Variants in TANC1 observed in about 807,000 individuals in gnomAD.
TANC1 encodes protein TANC1.
A neutral mutation model predicts 149.7 loss-of-function variants in TANC1; 77 were observed. The observed-to-expected ratio is 0.51, with a 90% confidence interval of 0.43 to 0.62. The LOEUF (loss-of-function observed/expected upper bound fraction) is 0.62, where lower values mean the gene tolerates loss of function less well. Among genes scored for constraint, TANC1 ranks in the 20% least tolerant of loss-of-function variants. TANC1 has a pLI of 0.00. For missense variants in TANC1, 1,985 were observed against 2,321.8 expected (o/e 0.85, Z 2.98); for synonymous variants, 854 against 925.0 (o/e 0.92, Z 1.39).
At chr2:159,132,801 A>G (rs1241206057) in intron 4 of TANC1, among the ~76,000 whole-genome samples, 2 of 151,794 alleles carry the variant, frequency 1.3e-5, no homozygotes, top group East Asian at 3.9e-4. Context: ...GCCTGGGTAC[A>G]GTATTTGAAC....
chr2:159,132,575 A>C (rs764428677), intron 4 of TANC1, among the ~76,000 whole-genome samples: 7 of 151,540 alleles, frequency 4.6e-5, no homozygotes, highest in African/African-American at 9.7e-5. Flanking sequence ...TGCACCCTCC[A>C]TCTCCTGGGT....
At chr2:159,196,994 G>A (rs911318087) in intron 18 of TANC1, among the ~76,000 whole-genome samples, 9 of 152,216 alleles carry the variant, frequency 5.9e-5, no homozygotes, top group African/African-American at 2.2e-4. Context: ...GATGGGGACA[G>A]GCAGGCTTAT....
chr2:159,224,858 C>A (rs1200417684), intron 23 of TANC1: 1 of 160,146 alleles, frequency 6.2e-6, no homozygotes, highest in African/African-American at 2.4e-5. Context: ...AGGGAAAGCC[C>A]TTTCCACGTG....
intron 1 of TANC1, among the ~76,000 whole-genome samples, chr2:158,972,681 T>G (rs760044700): frequency 1.3e-5 from 2 of 152,230 alleles, no homozygotes; most frequent in Non-Finnish European, 1.5e-5. Flanking sequence ...GAATGTCTTT[T>G]CAAAATATTA....
intron 1 of TANC1, among the ~76,000 whole-genome samples, chr2:158,999,327 A>G (rs2036424586): frequency 6.6e-6 from 1 of 152,250 alleles, no homozygotes; most frequent in African/African-American, 2.4e-5. Context: ...GCCATATACC[A>G]GAAGCAAAAC....
At chr2:158,990,942 G>A (rs935720032) in intron 1 of TANC1, among the ~76,000 whole-genome samples, 2 of 151,662 alleles carry the variant, frequency 1.3e-5, no homozygotes, top group Non-Finnish European at 2.9e-5. Context: ...GCATGGTGGC[G>A]GGCGGCTCCA....
At chr2:159,227,586 G>A in intron 24 of TANC1, 3 of 517,690 alleles carry the variant, frequency 5.8e-6, no homozygotes, top group Non-Finnish European at 1.0e-5. Context: ...TGTAAAACCA[G>A]CTTCTTTCTC....
chr2:159,026,093 G>A (rs907984499), intron 2 of TANC1, among the ~76,000 whole-genome samples: 15 of 152,074 alleles, frequency 9.9e-5, no homozygotes, highest in Non-Finnish European at 1.5e-4. Context: ...CACAATTCCT[G>A]GCTAATTTTT....
intron 19 of TANC1, among the ~76,000 whole-genome samples, chr2:159,207,349 T>G (rs1220913425): frequency 6.6e-6 from 1 of 152,224 alleles, no homozygotes; most frequent in Non-Finnish European, 1.5e-5. Flanking sequence ...CATAGAAGGC[T>G]GTTGGATGCT....
chr2:159,180,352 T>C, intron 14 of TANC1, among the ~76,000 whole-genome samples: 1 of 152,226 alleles, frequency 6.6e-6, no homozygotes, highest in East Asian at 1.9e-4. Context: ...AGATTGACTA[T>C]AGCTGAGTTT....
In TANC1 at chr2:159,188,450, T is replaced by C. The variant is rs377290444; in HGVS notation, c.2742+1426T>C. On this transcript the variant is annotated intron_variant, in intron 16 of 26. Transcript: ENST00000263635. Reference sequence around the variant, plus strand: ...AGGATGGGGCCAGCCTGGGCCCCGCTGGCCCACTGGAGTCCCATCCAGCCA... The same window carrying C: ...AGGATGGGGCCAGCCTGGGCCCCGCCGGCCCACTGGAGTCCCATCCAGCCA... Among the ~76,000 whole-genome samples, 60 of 152,362 alleles carry C rather than the reference T, an allele frequency of 3.9e-4. 1 individual carries two copies. The highest frequency in any genetic ancestry group is 8.3e-4 in the South Asian group (4 of 4,832).
At chr2:159,056,958 A>C (rs1574379538) in intron 2 of TANC1, 1 of 212,736 alleles carries the variant, frequency 4.7e-6, no homozygotes, top group Admixed American at 4.4e-5. Flanking sequence ...ATATTCCACT[A>C]ACCCAGAACC....
chr2:159,082,952 CTTTA>C (rs1464637637), intron 3 of TANC1, among the ~76,000 whole-genome samples: 1 of 151,954 alleles, frequency 6.6e-6, no homozygotes, highest in Non-Finnish European at 1.5e-5. Context: ...TATTTTTATT[CTTTA>C]TTTATTTAAG....
At chr2:158,990,849 G>T (rs1305565426) in intron 1 of TANC1, among the ~76,000 whole-genome samples, 1 of 152,086 alleles carries the variant, frequency 6.6e-6, no homozygotes, top group Non-Finnish European at 1.5e-5. Flanking sequence ...AGGGTGGGCG[G>T]ATTGCTTGAG....
At position 159,230,984 on chromosome 2, in the gene TANC1, A is replaced by G; in HGVS notation, c.5558A>G (p.Lys1853Arg). The G allele has an allele frequency of 6.2e-7, 1 of 1,613,242 alleles. No individual in the cohort carries two copies. Among genetic ancestry groups the G allele is most frequent in the Non-Finnish European group, 8.5e-7 (1 of 1,179,712 alleles). The change falls in exon 27 of 27, where the codon AAG becomes AGG. Residue 1853 changes from lysine to arginine, a missense_variant. Around this residue, in one of 3 missense-constraint regions of TANC1, gnomAD observed 920 missense variants for 994.7 expected, o/e 0.92. Coordinates refer to ENST00000263635, the MANE Select transcript of TANC1 (RefSeq NM_033394.3). This position sits in a 1 kb window ranked among gnomAD's most constrained non-coding sequence, Gnocchi z 4.4. The part of the protein sequence containing the change: ...HRSHLTAAKP[K>R]RSFIESNV ...AGCCACCTCACTGCAGCCAAACCAA[A>G]GCGATCATTTATAGAGTCAAATGTG...
At chr2:159,077,549 A>T (rs1280319984) in intron 3 of TANC1, among the ~76,000 whole-genome samples, 1 of 152,232 alleles carries the variant, frequency 6.6e-6, no homozygotes, top group East Asian at 1.9e-4. Context: ...ATCAATACAT[A>T]TATCGATCCT....
chr2:159,060,813 A>G (rs2042182652), intron 2 of TANC1, among the ~76,000 whole-genome samples: 1 of 152,212 alleles, frequency 6.6e-6, no homozygotes, highest in African/African-American at 2.4e-5. Flanking sequence ...CAAGGTGGTC[A>G]TGGTTCTGAT....
intron 7 of TANC1, among the ~76,000 whole-genome samples, chr2:159,154,111 T>C (rs1168247148): frequency 6.6e-6 from 1 of 152,146 alleles, no homozygotes; most frequent in Non-Finnish European, 1.5e-5. Context: ...TGGCAGAGGC[T>C]TTGGGGGTGG....
At chr2:159,172,689 G>A (rs2055388241) in intron 11 of TANC1, among the ~76,000 whole-genome samples, 1 of 152,230 alleles carries the variant, frequency 6.6e-6, no homozygotes, top group African/African-American at 2.4e-5. Flanking sequence ...GGTTTCTCGT[G>A]AAGTTGTAAT....
Sources: allele counts gnomAD v4.1 joint callset (sites outside exome capture counted in the v4.1 genomes callset), GRCh38; gene constraint gnomAD v4.1.1; regional missense constraint gnomAD v4.1.1; non-coding constraint Gnocchi (gnomAD v3.1); transcripts MANE v1.5; gene names NCBI Gene and HGNC (gene_info 2026-07-23, HGNC 2026-07-21).